Variants in PRKD1 observed in about 807,000 individuals in gnomAD.
The protein encoded by PRKD1 is serine/threonine-protein kinase D1.
Under a neutral mutation model 95.9 loss-of-function variants are expected in PRKD1, and 63 were observed. The observed-to-expected ratio is 0.66, with a 90% CI of 0.54 to 0.81. PRKD1 has a LOEUF of 0.81. PRKD1 is among the 30% of genes least tolerant of loss of function. The pLI is 0.00. For missense variants in PRKD1, 1,048 were observed against 1,165.3 expected (o/e 0.90, Z 1.47); for synonymous variants, 425 against 423.1 (o/e 1.00, Z -0.05).
intron 2 of PRKD1, among the ~76,000 whole-genome samples, chr14:29,721,358 T>C (rs566660042): frequency 1.1e-4 from 16 of 152,376 alleles, no homozygotes; most frequent in African/African-American, 3.8e-4. Context: ...TCAACATTTA[T>C]CTTTCAAACT....
chr14:29,879,566 A>G (rs930402652), intron 1 of PRKD1, among the ~76,000 whole-genome samples: 1 of 152,146 alleles, frequency 6.6e-6, no homozygotes, highest in Non-Finnish European at 1.5e-5. Context: ...ATAATACACT[A>G]AATTTGTACT....
intron 1 of PRKD1, among the ~76,000 whole-genome samples, chr14:29,881,155 C>T (rs1566652189): frequency 6.6e-6 from 1 of 152,192 alleles, no homozygotes; most frequent in Non-Finnish European, 1.5e-5. Context: ...CCACCAAAAT[C>T]TCAACTTGAA....
At chr14:29,841,925 AT>A (rs921263793) in intron 1 of PRKD1, among the ~76,000 whole-genome samples, 2 of 151,924 alleles carry the variant, frequency 1.3e-5, no homozygotes, top group Non-Finnish European at 2.9e-5. Context: ...TATTCTATAA[AT>A]TTTTTTCTAT....
intron 1 of PRKD1, among the ~76,000 whole-genome samples, chr14:29,823,935 A>G (rs1037772094): frequency 6.6e-6 from 1 of 152,176 alleles, no homozygotes; most frequent in Non-Finnish European, 1.5e-5. Flanking sequence ...CAAATGTTCA[A>G]TTTGAGAACT....
At chr14:29,830,504 T>C (rs1416099622) in intron 1 of PRKD1, among the ~76,000 whole-genome samples, 1 of 152,160 alleles carries the variant, frequency 6.6e-6, no homozygotes, top group Non-Finnish European at 1.5e-5. Context: ...CAAATGCATA[T>C]ATTTATCTCT....
intron 1 of PRKD1, among the ~76,000 whole-genome samples, chr14:29,857,393 G>C (rs1291998735): frequency 6.6e-6 from 1 of 152,114 alleles, no homozygotes; most frequent in Non-Finnish European, 1.5e-5. Flanking sequence ...TTTCATGGAA[G>C]GAAGAGAAAA....
chr14:29,772,809 A>G (rs1378397092), intron 1 of PRKD1, among the ~76,000 whole-genome samples: 1 of 152,176 alleles, frequency 6.6e-6, no homozygotes. Flanking sequence ...CCATTTCTCT[A>G]TTATCTCCTA....
intron 13 of PRKD1, among the ~76,000 whole-genome samples, chr14:29,605,380 A>G (rs1477094679): frequency 6.6e-6 from 1 of 152,102 alleles, no homozygotes; most frequent in Admixed American, 6.6e-5. Flanking sequence ...TTGTCTCTTC[A>G]CCCAAATATC....
chr14:29,861,619 G>A (rs1365228023), intron 1 of PRKD1, among the ~76,000 whole-genome samples: 2 of 151,972 alleles, frequency 1.3e-5, no homozygotes, highest in Non-Finnish European at 2.9e-5. Flanking sequence ...ACCCTGTCAT[G>A]CTATCAAATA....
intron 2 of PRKD1, among the ~76,000 whole-genome samples, chr14:29,715,266 C>T (rs914913585): frequency 6.6e-6 from 1 of 151,482 alleles, no homozygotes; most frequent in African/African-American, 2.4e-5. Flanking sequence ...CAAGTTTATA[C>T]CCTCTTTGGA....
intron 1 of PRKD1, among the ~76,000 whole-genome samples, chr14:29,890,706 C>A (rs546290319): frequency 6.6e-6 from 1 of 152,234 alleles, no homozygotes; most frequent in African/African-American, 2.4e-5. Flanking sequence ...AGTAACCCTT[C>A]TAAGGGAAGA....
chr14:29,683,073 G>A (rs1883625084), intron 2 of PRKD1, among the ~76,000 whole-genome samples: 1 of 152,198 alleles, frequency 6.6e-6, no homozygotes, highest in African/African-American at 2.4e-5. Context: ...GAGATGGTGT[G>A]AGATCATGGC....
chr14:29,788,532 C>T (rs927925245), intron 1 of PRKD1, among the ~76,000 whole-genome samples: 14 of 152,262 alleles, frequency 9.2e-5, no homozygotes, highest in Non-Finnish European at 1.3e-4. Context: ...ATATCTTCTC[C>T]TTCTGGAACT....
At position 29,624,133 on chromosome 14, in the gene PRKD1, A is replaced by C. The variant is rs758208559; in HGVS notation, c.1905+19T>G. 4.5e-6 allele frequency: 7 copies of C among 1,555,188 alleles called. No homozygotes were observed. The highest frequency in any genetic ancestry group is 6.1e-6 in the Non-Finnish European group (7 of 1,141,006). ...AGGGATTTTTATACCCTTTCCCCAAATGAGAACCAAAGAAGTACCTGTAGA... is the reference window on the plus strand; with the variant it reads ...AGGGATTTTTATACCCTTTCCCCAACTGAGAACCAAAGAAGTACCTGTAGA... On this transcript the variant is annotated intron_variant, in intron 13 of 17. Transcript: ENST00000331968.
intron 13 of PRKD1, among the ~76,000 whole-genome samples, chr14:29,604,032 C>A (rs1230377351): frequency 6.6e-6 from 1 of 151,988 alleles, no homozygotes; most frequent in African/African-American, 2.4e-5. Flanking sequence ...ACCCAAGTTG[C>A]CTAGAAAATG....
At chr14:29,922,424 A>G (rs1357667278) in intron 1 of PRKD1, among the ~76,000 whole-genome samples, 1 of 152,184 alleles carries the variant, frequency 6.6e-6, no homozygotes, top group African/African-American at 2.4e-5. Context: ...ATATAAAACA[A>G]TACTTCACAT....
chr14:29,783,639 C>T (rs185715367), intron 1 of PRKD1, among the ~76,000 whole-genome samples: 310 of 152,286 alleles, frequency 2.0e-3, no homozygotes, highest in African/African-American at 7.2e-3. Context: ...GTTCCCTTTT[C>T]TCCATTTCCT....
At chr14:29,786,224 T>C (rs747058386) in intron 1 of PRKD1, among the ~76,000 whole-genome samples, 1 of 152,186 alleles carries the variant, frequency 6.6e-6, no homozygotes, top group Non-Finnish European at 1.5e-5. Context: ...CTTATTGATG[T>C]GCTGTTGGAT....
intron 2 of PRKD1, among the ~76,000 whole-genome samples, chr14:29,670,634 C>T (rs1165778204): frequency 1.3e-5 from 2 of 152,136 alleles, no homozygotes; most frequent in Admixed American, 1.3e-4. Context: ...CAATTTCACA[C>T]TATTGTGGCC....
Sources: gnomAD v4.1 joint callset for allele counts (sites outside exome capture counted in the v4.1 genomes callset) on GRCh38, gnomAD v4.1.1 for gene constraint, MANE v1.5 for transcripts, NCBI Gene and HGNC (gene_info 2026-07-23, HGNC 2026-07-21) for gene names.